Variants in EYS observed in about 807,000 individuals in gnomAD.
The protein encoded by EYS is EGF-like photoreceptor maintenance factor.
In EYS, 250 loss-of-function variants were observed where a neutral mutation model predicts 282.1. That is an observed-to-expected ratio of 0.89 (90% CI 0.80 to 0.98). EYS has a LOEUF of 0.98. EYS is among the 50% of genes least tolerant of loss of function. The pLI is 0.00. For synonymous variants in EYS, 1,355 were observed against 1,282.9 expected (o/e 1.06, Z -1.20); for missense variants, 4,016 against 3,709.0 (o/e 1.08, Z -2.15).
At chr6:64,930,593 C>T (rs1768687549) in intron 15 of EYS, among the ~76,000 whole-genome samples, 1 of 151,260 alleles carries the variant, frequency 6.6e-6, no homozygotes, top group South Asian at 2.1e-4. Context: ...CAGACTTTTT[C>T]AGTTATTATA....
chr6:64,099,130 C>T (rs1457612066), intron 31 of EYS, among the ~76,000 whole-genome samples: 2 of 152,240 alleles, frequency 1.3e-5, no homozygotes, highest in African/African-American at 4.8e-5. Flanking sequence ...CTAAAATTAT[C>T]ATTGAATTCA....
chr6:64,391,462 G>C (rs981245635), intron 28 of EYS, among the ~76,000 whole-genome samples: 7 of 151,980 alleles, frequency 4.6e-5, no homozygotes, highest in African/African-American at 1.4e-4. Flanking sequence ...GAGAGTGGGG[G>C]CCAATATTCA....
chr6:64,993,501 T>C (rs1297792876), intron 14 of EYS, among the ~76,000 whole-genome samples: 1 of 142,434 alleles, frequency 7.0e-6, no homozygotes, highest in Non-Finnish European at 1.5e-5. Flanking sequence ...CTGCATGTTC[T>C]CACTCATAGG....
rs187974660 is a variant in EYS, at chr6:65,172,014, T to A, written c.2024-114287A>T. 5.1e-4 allele frequency among the ~76,000 whole-genome samples: 78 copies of A among 151,566 alleles called. 2 individuals carry two copies. Among genetic ancestry groups the A allele is most frequent in the African/African-American group, 1.7e-3 (72 of 41,430 alleles). ...TTAGGAAAATATATGATCATGGAAATTTCCCAGAACTCCAAATGTTTAGTT... is the reference window on the plus strand; with the variant it reads ...TTAGGAAAATATATGATCATGGAAAATTCCCAGAACTCCAAATGTTTAGTT... On this transcript the variant is annotated intron_variant, in intron 12 of 42. Coordinates refer to ENST00000503581, the MANE Select transcript of EYS (RefSeq NM_001142800.2).
At chr6:65,615,670 C>T (rs1305815069) in intron 2 of EYS, among the ~76,000 whole-genome samples, 1 of 152,026 alleles carries the variant, frequency 6.6e-6, no homozygotes. Context: ...TGCGGTGGCT[C>T]ACGCCTGTAA....
At chr6:64,350,740 T>C (rs1409327961) in intron 29 of EYS, among the ~76,000 whole-genome samples, 1 of 151,594 alleles carries the variant, frequency 6.6e-6, no homozygotes, top group South Asian at 2.1e-4. Flanking sequence ...TAATTCGGTG[T>C]GTTGAAACCC....
chr6:64,913,174 G>T (rs1768054725), intron 15 of EYS, among the ~76,000 whole-genome samples: 1 of 152,058 alleles, frequency 6.6e-6, no homozygotes. Flanking sequence ...TATATAACAA[G>T]GTGTTACTTT....
intron 13 of EYS, among the ~76,000 whole-genome samples, chr6:65,047,705 A>G (rs1417866986): frequency 1.3e-5 from 2 of 151,928 alleles, no homozygotes. Context: ...CCTAGCAGGC[A>G]AGAGATGATG....
chr6:64,618,509 T>G (rs957062344), intron 23 of EYS, among the ~76,000 whole-genome samples: 1 of 152,178 alleles, frequency 6.6e-6, no homozygotes, highest in Non-Finnish European at 1.5e-5. Flanking sequence ...ATCTGAACCC[T>G]GGCTGTTGGG....
chr6:63,889,115 A>G (rs9969105), intron 35 of EYS, among the ~76,000 whole-genome samples: 17,799 of 152,148 alleles, frequency 0.12, 1,248 homozygotes, highest in African/African-American at 0.19. Flanking sequence ...GGAATAAACA[A>G]GGCCTCCAAG....
At chr6:64,282,195 TG>T (rs1295838113) in intron 30 of EYS, among the ~76,000 whole-genome samples, 2 of 152,268 alleles carry the variant, frequency 1.3e-5, no homozygotes, top group East Asian at 3.9e-4. Context: ...AACTTGAGAT[TG>T]GATTTGTTCA....
intron 39 of EYS, among the ~76,000 whole-genome samples, chr6:63,784,887 A>G (rs1167526830): frequency 6.6e-6 from 1 of 152,176 alleles, no homozygotes; most frequent in Middle Eastern, 3.2e-3. Flanking sequence ...TAGGGTTATG[A>G]TGTGTCAGTT....
chr6:64,867,510 A>T (rs1766459800), intron 19 of EYS, among the ~76,000 whole-genome samples: 1 of 151,762 alleles, frequency 6.6e-6, no homozygotes, highest in Non-Finnish European at 1.5e-5. Context: ...TATGACACAT[A>T]GAGCAAAAAT....
intron 12 of EYS, among the ~76,000 whole-genome samples, chr6:65,134,638 A>T (rs1312961249): frequency 2.6e-5 from 4 of 152,068 alleles, no homozygotes; most frequent in Non-Finnish European, 5.9e-5. Flanking sequence ...GATCAGAAAA[A>T]GTAACTATTG....
chr6:64,390,404 T>C lies in EYS; in HGVS notation c.5928-1564A>G, dbSNP rs538513955. 5.5e-3 allele frequency among the ~76,000 whole-genome samples: 843 copies of C among 152,104 alleles called. 7 individuals are homozygous for C. The highest frequency in any genetic ancestry group is 0.019 in the African/African-American group (779 of 41,476). ...ACAGCTTTGAAGAGAGCAGTGGTTCTCCCAGCACGCAGCTGGAGATCTCAG... is the reference window on the plus strand; with the variant it reads ...ACAGCTTTGAAGAGAGCAGTGGTTCCCCCAGCACGCAGCTGGAGATCTCAG... On this transcript the variant is annotated intron_variant, in intron 28 of 42. Transcript: ENST00000503581.
At chr6:64,653,451 C>T (rs6454949) in intron 22 of EYS, among the ~76,000 whole-genome samples, 97,327 of 152,058 alleles carry the variant, frequency 0.64, 31,390 homozygotes, top group African/African-American at 0.71. Context: ...ATATATTAGG[C>T]GGGTTAATAC....
chr6:65,696,915 CGAATA>C, intron 1 of EYS, among the ~76,000 whole-genome samples: 1 of 152,050 alleles, frequency 6.6e-6, no homozygotes, highest in Non-Finnish European at 1.5e-5. Flanking sequence ...TAAGAGCTAT[CGAATA>C]GCATATGTCT....
At chr6:65,032,318 G>T (rs1475028854) in intron 13 of EYS, among the ~76,000 whole-genome samples, 3 of 152,132 alleles carry the variant, frequency 2.0e-5, no homozygotes, top group African/African-American at 7.2e-5. Context: ...ATATATAAAA[G>T]AGTTGTGATA....
intron 35 of EYS, among the ~76,000 whole-genome samples, chr6:63,873,321 A>G (rs552159413): frequency 5.5e-4 from 83 of 152,278 alleles, no homozygotes; most frequent in African/African-American, 2.0e-3. Context: ...GTCCCTACAA[A>G]GGACATGAAC....
Sources: allele counts gnomAD v4.1 joint callset (sites outside exome capture counted in the v4.1 genomes callset), GRCh38; gene constraint gnomAD v4.1.1; transcripts MANE v1.5; gene names NCBI Gene and HGNC (gene_info 2026-07-23, HGNC 2026-07-21).